The following C5 variants were observed in gnomAD, a reference collection of about 807,000 sequenced individuals.
The protein encoded by C5 is C3 and PZP-like alpha-2-macroglobulin domain-containing protein 4.
C5 carries 140 observed loss-of-function variants against 218.8 expected under a neutral mutation model. The ratio of observed to expected loss-of-function variants is 0.64; its 90% confidence interval spans 0.56 to 0.74. The LOEUF (loss-of-function observed/expected upper bound fraction) is 0.74. C5 is among the 30% of genes least tolerant of loss of function. C5 has a pLI of 0.00. For missense variants in C5, 1,700 were observed against 1,969.6 expected (o/e 0.86, Z 2.59); for synonymous variants, 614 against 682.3 (o/e 0.90, Z 1.56).
intron 9 of C5, among the ~76,000 whole-genome samples, chr9:121,023,944 G>T (rs1163237274): frequency 2.0e-5 from 3 of 151,442 alleles, no homozygotes; most frequent in Non-Finnish European, 4.4e-5. Context: ...ACAGAGCATA[G>T]ATACATAGAG....
chr9:121,015,693 G>A (rs2047301052), intron 15 of C5, among the ~76,000 whole-genome samples: 1 of 152,146 alleles, frequency 6.6e-6, no homozygotes, highest in Admixed American at 6.6e-5. Flanking sequence ...GATGATTAAG[G>A]TATGGTTACT....
chr9:121,027,414 G>A (rs1186968487), intron 7 of C5, 140 bp from the exon 8 acceptor site: 1 of 625,192 alleles, frequency 1.6e-6, no homozygotes, highest in African/African-American at 1.8e-5. Context: ...GAACAAAGCT[G>A]GAGGCATCAT....
chr9:121,047,842 TGAG>T (rs1273601405), intron 1 of C5, among the ~76,000 whole-genome samples: 60 of 152,002 alleles, frequency 3.9e-4, no homozygotes, highest in African/African-American at 1.4e-3. Context: ...TGGCAGAAAA[TGAG>T]AGGAGTTCAG....
At chr9:121,070,734 G>A in the C5 span, among the ~76,000 whole-genome samples, 4 of 151,848 alleles carry the variant, frequency 2.6e-5, no homozygotes, top group Non-Finnish European at 5.9e-5. Context: ...AGGGTAGCAG[G>A]GGGAAGGGAA....
intron 31 of C5, among the ~76,000 whole-genome samples, chr9:120,971,662 C>T: frequency 6.6e-6 from 1 of 152,232 alleles, no homozygotes; most frequent in East Asian, 1.9e-4. Flanking sequence ...TGGTCTTGAT[C>T]TCCTGACCTC....
At chr9:120,988,387 G>A (rs2047050269) in intron 25 of C5, among the ~76,000 whole-genome samples, 1 of 152,136 alleles carries the variant, frequency 6.6e-6, no homozygotes, top group African/African-American at 2.4e-5. Context: ...TAGACATTAT[G>A]ATATAGCAGA....
chr9:121,010,322 G>A (rs1169906078), intron 17 of C5, among the ~76,000 whole-genome samples: 1 of 152,096 alleles, frequency 6.6e-6, no homozygotes, highest in Non-Finnish European at 1.5e-5. Context: ...AAAATCAGTA[G>A]CATTTCTATA....
chr9:120,988,399 G>T (rs931448721), intron 25 of C5, among the ~76,000 whole-genome samples: 1 of 152,148 alleles, frequency 6.6e-6, no homozygotes, highest in Non-Finnish European at 1.5e-5. Context: ...TATAGCAGAG[G>T]CCTCCCCAAG....
chr9:121,039,854 G>C (rs981037661), intron 3 of C5, among the ~76,000 whole-genome samples: 4 of 152,002 alleles, frequency 2.6e-5, no homozygotes, highest in African/African-American at 9.7e-5. Flanking sequence ...AGCCAGGATG[G>C]TCTCGATCTC....
the C5 span, among the ~76,000 whole-genome samples, chr9:121,066,690 C>T: frequency 5.6e-5 from 8 of 143,938 alleles, no homozygotes; most frequent in Non-Finnish European, 1.2e-4. Context: ...ACTAAAAATA[C>T]AAAAAAAAAA....
chr9:120,994,097 T>C (rs895434631), intron 22 of C5, among the ~76,000 whole-genome samples: 3 of 152,198 alleles, frequency 2.0e-5, no homozygotes, highest in Admixed American at 6.5e-5. Flanking sequence ...ATTGAGTCTC[T>C]GTGTTTAGTC....
intron 33 of C5, among the ~76,000 whole-genome samples, chr9:120,965,546 AAAT>A (rs1207516057): frequency 9.4e-4 from 142 of 151,830 alleles, no homozygotes; most frequent in African/African-American, 3.3e-3. Context: ...ATAAATAAAT[AAAT>A]AAATAAATAA....
intron 21 of C5, among the ~76,000 whole-genome samples, 183 bp from the exon 22 acceptor site, chr9:120,996,483 A>G (rs932708032): frequency 1.1e-4 from 16 of 152,242 alleles, no homozygotes; most frequent in Non-Finnish European, 2.2e-4. Flanking sequence ...TTGCATATTG[A>G]CCAGAGCAAA....
At chr9:121,046,926 C>A (rs571506816) in intron 1 of C5, among the ~76,000 whole-genome samples, 3 of 152,024 alleles carry the variant, frequency 2.0e-5, no homozygotes, top group Non-Finnish European at 4.4e-5. Flanking sequence ...ATTAATCTCA[C>A]TAAATTAGTT....
chr9:121,009,127 G>A (rs1429997166), intron 17 of C5, among the ~76,000 whole-genome samples: 1 of 152,052 alleles, frequency 6.6e-6, no homozygotes, highest in Non-Finnish European at 1.5e-5. Context: ...TAATAATTGT[G>A]TTTATATTAG....
At position 120,961,685 on chromosome 9, in the gene C5, A is replaced by G. The variant is rs183068451; in HGVS notation, c.4505-120T>C. On this transcript the variant is annotated intron_variant, in intron 36 of 40. Transcript: ENST00000223642. ...GCTTATTTTAAACCCTTCTTTTTATAGCTAAGGCCCAGGGAGGTAAAATTA... is the reference window on the plus strand; with the variant it reads ...GCTTATTTTAAACCCTTCTTTTTATGGCTAAGGCCCAGGGAGGTAAAATTA... 212 of 728,412 alleles carry G rather than the reference A, an allele frequency of 2.9e-4. No homozygotes were observed. In the African/African-American group the frequency reaches 3.2e-3, roughly 11 times the overall value. The allele number at this position is 728,412 out of a possible 1,614,324, so 45.1% of individuals were successfully genotyped here.
At chr9:120,999,680 T>C (rs899294474) in intron 20 of C5, 1 of 229,024 alleles carries the variant, frequency 4.4e-6, no homozygotes. Flanking sequence ...AGAGTCTTTA[T>C]AATATTTTTA....
intron 30 of C5, 65 bp from the exon 31 acceptor site, chr9:120,972,057 G>A: frequency 7.3e-7 from 1 of 1,374,440 alleles, no homozygotes; most frequent in Non-Finnish European, 1.0e-6. Flanking sequence ...GGAGGATAGA[G>A]CTATGAAAAG....
At chr9:121,030,532 CA>C in intron 6 of C5, 45 bp from the exon 7 acceptor site, 1 of 1,190,342 alleles carries the variant, frequency 8.4e-7, no homozygotes, top group Non-Finnish European at 1.2e-6. Context: ...TTGATTAGAG[CA>C]GACTTTAAAG....
Sources: gnomAD v4.1 joint callset for allele counts (sites outside exome capture counted in the v4.1 genomes callset) on GRCh38, gnomAD v4.1.1 for gene constraint, MANE v1.5 for transcripts, NCBI Gene and HGNC (gene_info 2026-07-23, HGNC 2026-07-21) for gene names.